EPN2: variants seen among roughly 807,000 people sequenced by gnomAD.
The protein encoded by EPN2 is epsin-2.
EPN2 carries 34 observed loss-of-function variants against 61.7 expected under a neutral mutation model. The observed-to-expected ratio is 0.55, with a 90% CI of 0.42 to 0.73. EPN2 has a LOEUF of 0.73. EPN2 is among the 30% of genes least tolerant of loss of function. The pLI is 0.00. For synonymous variants in EPN2, 349 were observed against 353.6 expected (o/e 0.99, Z 0.15); for missense variants, 714 against 839.2 (o/e 0.85, Z 1.84).
chr17:19,304,513 CTG>C (rs1905727599), intron 4 of EPN2, among the ~76,000 whole-genome samples: 1 of 152,220 alleles, frequency 6.6e-6, no homozygotes, highest in Admixed American at 6.5e-5. Context: ...GCCACGCTTT[CTG>C]TGTGTGACGT....
At chr17:19,327,685 TAC>T (rs1468950797) in intron 7 of EPN2, among the ~76,000 whole-genome samples, 2 of 151,932 alleles carry the variant, frequency 1.3e-5, no homozygotes, top group Non-Finnish European at 2.9e-5. Context: ...AATAAATGAA[TAC>T]ACACACATAT....
At chr17:19,245,412 T>C (rs562419727) in intron 1 of EPN2, among the ~76,000 whole-genome samples, 6 of 144,050 alleles carry the variant, frequency 4.2e-5, no homozygotes, top group African/African-American at 1.7e-4. Flanking sequence ...ATATGGAATT[T>C]GGTAGTCTTT....
intron 4 of EPN2, among the ~76,000 whole-genome samples, chr17:19,306,825 C>T (rs1026059341): frequency 6.6e-6 from 1 of 152,150 alleles, no homozygotes; most frequent in Non-Finnish European, 1.5e-5. Flanking sequence ...CTACTTGATT[C>T]ATTTGTGGTT....
At chr17:19,266,382 A>G (rs1379134731) in intron 1 of EPN2, among the ~76,000 whole-genome samples, 3 of 151,662 alleles carry the variant, frequency 2.0e-5, no homozygotes, top group Non-Finnish European at 1.5e-5. Flanking sequence ...ATAGATGTCC[A>G]TCTCAACATT....
intron 1 of EPN2, among the ~76,000 whole-genome samples, chr17:19,264,461 G>A (rs2152209317): frequency 6.6e-6 from 1 of 152,270 alleles, no homozygotes; most frequent in Admixed American, 6.5e-5. Context: ...AGAAAGTGCA[G>A]CCTTATTTCC....
rs1905662269 is a variant in EPN2 at position 19,303,737 on chromosome 17, A to G, written c.767-6148A>G. 2 of 152,238 alleles carry G rather than the reference A, an allele frequency of 1.3e-5. 1 individual carries two copies. The allele number at this position is 152,238 out of a possible 1,614,324, so 9.4% of individuals were successfully genotyped here. Reference sequence around the variant, plus strand: ...GCTGGACAGTGATCTGGCTGTGGTCATGCTTCATTGCATTTTTCATTATAC... The same window carrying G: ...GCTGGACAGTGATCTGGCTGTGGTCGTGCTTCATTGCATTTTTCATTATAC... On this transcript the variant is annotated intron_variant, in intron 4 of 10. Transcript: ENST00000314728.
rs1220293451 is a variant in EPN2, at chr17:19,335,703, A to T, written c.*1449A>T. ...ATTTTTAAGTTGGAGACCTAAAAATAATTCTCTTGTATTTTGGAGATGAAG... is the reference window on the plus strand; with the variant it reads ...ATTTTTAAGTTGGAGACCTAAAAATTATTCTCTTGTATTTTGGAGATGAAG... On this transcript the variant is annotated 3_prime_UTR_variant, in exon 11 of 11. Transcript: ENST00000314728. The T allele has an allele frequency of 3.8e-5, 15 of 392,100 alleles. No individual in the cohort carries two copies. Among genetic ancestry groups the T allele is most frequent in the Middle Eastern group, 5.8e-4 (1 of 1,732 alleles). 24.3% of individuals were successfully genotyped at this position (392,100 alleles called of 1,614,324 possible).
At chr17:19,312,597 C>T (rs1906197297) in intron 6 of EPN2, among the ~76,000 whole-genome samples, 1 of 152,190 alleles carries the variant, frequency 6.6e-6, no homozygotes, top group African/African-American at 2.4e-5. Flanking sequence ...GACCCAGACC[C>T]CTTCTACACC....
intron 1 of EPN2, among the ~76,000 whole-genome samples, chr17:19,277,467 G>C (rs999867799): frequency 3.9e-5 from 6 of 151,946 alleles, no homozygotes; most frequent in African/African-American, 2.4e-5. Flanking sequence ...TATGTTTGGA[G>C]CTTGGAGCTT....
In EPN2 at chr17:19,285,633, G is replaced by C; in HGVS notation, c.609G>C (p.Ser203=). The change falls in exon 4 of 11, where the codon TCG becomes TCC. Residue 203 remains serine, a synonymous_variant. Transcript: ENST00000314728. The surrounding 1 kb of genome is among the most constrained non-coding windows in gnomAD (Gnocchi z 4.5). ...CCTGCCCCACAGCGCCTGAGGCCTC[G>C]CTGTGCCCCCAGCACCGCACAGGGG... ...PASYHGSPEA[S]LCPQHRTGAP... The C allele has an allele frequency of 1.3e-6, 2 of 1,551,818 alleles. No homozygotes were observed. The highest frequency in any genetic ancestry group is 1.2e-5 in the South Asian group (1 of 83,814).
chr17:19,265,905 A>T lies in EPN2; in HGVS notation c.-293-16050A>T, dbSNP rs537216288. On this transcript the variant is annotated intron_variant, in intron 1 of 10. Transcript: ENST00000314728. ...TCCTCCTGGCTATTCCACCCCTTCT[A>T]CCCCACCCACACTGACATTTGGTCA... Among the ~76,000 whole-genome samples, 7 of 151,588 alleles carry T rather than the reference A, an allele frequency of 4.6e-5. No homozygotes were observed. The South Asian group carries it at 1.5e-3, about 32-fold the overall frequency.
intron 4 of EPN2, chr17:19,308,148 A>C: frequency 1.8e-6 from 1 of 569,136 alleles, no homozygotes; most frequent in Non-Finnish European, 2.2e-6. Flanking sequence ...ATCTTGGCTC[A>C]CTGCAACCTC....
chr17:19,242,132 G>GAAAA (rs5819664), intron 1 of EPN2, among the ~76,000 whole-genome samples: 30 of 115,352 alleles, frequency 2.6e-4, no homozygotes, highest in African/African-American at 8.2e-4. Flanking sequence ...TGTTTGATCT[G>GAAAA]AAAAAAAAAA....
chr17:19,240,157 A>G (rs1567838943), intron 1 of EPN2, among the ~76,000 whole-genome samples: 1 of 152,114 alleles, frequency 6.6e-6, no homozygotes. Context: ...TCTGGTGTAT[A>G]GGGGTGTGAA....
intron 1 of EPN2, among the ~76,000 whole-genome samples, chr17:19,271,327 T>C (rs1225996850): frequency 6.6e-6 from 1 of 152,018 alleles, no homozygotes. Context: ...TAGTGACAGA[T>C]AGAGGAAGGA....
chr17:19,331,540 C>T (rs915292262), intron 9 of EPN2, among the ~76,000 whole-genome samples: 2 of 151,742 alleles, frequency 1.3e-5, no homozygotes, highest in Non-Finnish European at 2.9e-5. Context: ...AAGTAAATTG[C>T]CCATGCCTAG....
chr17:19,279,358 C>T (rs2152215753), intron 1 of EPN2, among the ~76,000 whole-genome samples: 1 of 152,304 alleles, frequency 6.6e-6, no homozygotes, highest in East Asian at 1.9e-4. Context: ...TGGAGGTCTT[C>T]TGCTTCCACC....
chr17:19,326,816 C>G lies in EPN2; in HGVS notation c.1148-1895C>G, dbSNP rs974547821. On this transcript the variant is annotated intron_variant, in intron 7 of 10. Transcript: ENST00000314728. The stretch of plus-strand genomic sequence containing the variant: ...CCATGCTGCGAGGAGTGGATGGACT[C>G]TAGTCCATGCTGCTGGGATGAGTCA... 8.6e-5 allele frequency among the ~76,000 whole-genome samples: 13 copies of G among 151,816 alleles called. 1 individual carries two copies. The highest frequency in any genetic ancestry group is 4.6e-4 in the Admixed American group (7 of 15,240).
At chr17:19,255,456 A>ATTTC (rs2045065075) in intron 1 of EPN2, among the ~76,000 whole-genome samples, 2 of 138,948 alleles carry the variant, frequency 1.4e-5, no homozygotes, top group Admixed American at 1.4e-4. Context: ...TTATTTATTT[A>ATTTC]TTTATTTATT....
Sources: allele counts gnomAD v4.1 joint callset (sites outside exome capture counted in the v4.1 genomes callset), GRCh38; gene constraint gnomAD v4.1.1; non-coding constraint Gnocchi (gnomAD v3.1); transcripts MANE v1.5; gene names NCBI Gene and HGNC (gene_info 2026-07-23, HGNC 2026-07-21).